MAPK14: variants seen among roughly 807,000 people sequenced by gnomAD.
MAPK14 encodes CSAID-binding protein.
MAPK14 carries 16 observed loss-of-function variants against 49.6 expected under a neutral mutation model. That is an observed-to-expected ratio of 0.32 (90% CI 0.22 to 0.49). The LOEUF (loss-of-function observed/expected upper bound fraction) is 0.49, where lower values mean the gene tolerates loss of function less well. Among genes scored for constraint, MAPK14 ranks in the 20% least tolerant of loss-of-function variants. MAPK14 has a pLI of 0.99. For missense variants in MAPK14, 200 were observed against 441.2 expected (o/e 0.45, Z 4.90); for synonymous variants, 142 against 158.0 (o/e 0.90, Z 0.76).
intron 8 of MAPK14, among the ~76,000 whole-genome samples, chr6:36,082,747 G>C (rs1764816526): frequency 6.6e-6 from 1 of 152,122 alleles, no homozygotes; most frequent in African/African-American, 2.4e-5. Context: ...TCCAACATTG[G>C]GGATCACATT....
Position 36,028,208 on chromosome 6 carries a change from C to T in MAPK14, c.51C>T (p.Ile17=). The T allele has an allele frequency of 1.2e-6, 2 of 1,613,940 alleles. No individual in the cohort carries two copies. Among genetic ancestry groups the T allele is most frequent in the Middle Eastern group, 1.6e-4 (1 of 6,062 alleles). Residue 17 remains isoleucine (I), a synonymous_variant, in exon 1 of 12, where the codon ATC becomes ATT. Coordinates refer to ENST00000229794, the MANE Select transcript of MAPK14 (RefSeq NM_139012.3). This position sits in a 1 kb window ranked among gnomAD's most constrained non-coding sequence, Gnocchi z 5.1. The part of the protein sequence containing the change: ...TFYRQELNKT[I]WEVPERYQNL... ...ACCGGCAGGAGCTGAACAAGACAAT[C>T]TGGGAGGTGCCCGAGCGTTACCAGA... is the stretch of plus-strand genomic sequence containing the variant.
In MAPK14 at chr6:36,037,563, G is replaced by C. The variant is rs1229131707; in HGVS notation, c.116+9290G>C. Among the ~76,000 whole-genome samples, 3 of 152,272 alleles carry C rather than the reference G, an allele frequency of 2.0e-5. No individual in the cohort carries two copies. The East Asian group carries it at 5.8e-4, about 29-fold the overall frequency. On this transcript the variant is annotated intron_variant, in intron 1 of 11. Coordinates refer to ENST00000229794, the MANE Select transcript of MAPK14 (RefSeq NM_139012.3). ...AGATTGTAGAGAGAAAGGGGAAGGA[G>C]CATAGGTTCATGGTAATCTCCTTGA...
rs1283646962 is a variant in MAPK14, at chr6:36,100,972, G to A, written c.763-1599G>A. Among the ~76,000 whole-genome samples the A allele has an allele frequency of 2.6e-5, 4 of 152,158 alleles. No homozygotes were observed. In the East Asian group the frequency reaches 7.7e-4, roughly 29 times the overall value. ...TTTATTAAAGGGATGACTGTTCTCT[G>A]AATGAGATAGTTCTCTCTTACCTGT... is the stretch of plus-strand genomic sequence containing the variant. On this transcript the variant is annotated intron_variant, in intron 9 of 11. Coordinates refer to ENST00000229794, the MANE Select transcript of MAPK14 (RefSeq NM_139012.3).
At chr6:36,101,768 T>C (rs556644336) in intron 9 of MAPK14, among the ~76,000 whole-genome samples, 20 of 152,328 alleles carry the variant, frequency 1.3e-4, no homozygotes, top group African/African-American at 4.3e-4. Flanking sequence ...CACCTTGGCC[T>C]CCCAAAGTGC....
chr6:36,102,582 T>C lies in MAPK14; in HGVS notation c.774T>C (p.Tyr258=). ...KKISSESARN[Y]IQSLTQMPKM... ...CCTTGTTTTTTCAGGCAAGAAACTA[T>C]ATTCAGTCTTTGACTCAGATGCCGA... Residue 258 remains tyrosine (Y), a synonymous_variant, in exon 10 of 12, where the codon TAT becomes TAC. Transcript: ENST00000229794. 6.2e-7 allele frequency: 1 copy of C among 1,613,076 alleles called. No individual in the cohort carries two copies. The highest frequency in any genetic ancestry group is 1.3e-5 in the African/African-American group (1 of 75,024).
chr6:36,035,086 A>C (rs1480287997), intron 1 of MAPK14, among the ~76,000 whole-genome samples: 1 of 151,794 alleles, frequency 6.6e-6, no homozygotes, highest in East Asian at 1.9e-4. Context: ...TTTAGTAGAG[A>C]TGGGGTTTCA....
intron 3 of MAPK14, among the ~76,000 whole-genome samples, chr6:36,059,955 A>C (rs1327193076): frequency 6.6e-6 from 1 of 152,324 alleles, no homozygotes; most frequent in East Asian, 1.9e-4. Flanking sequence ...AGATTTCTAT[A>C]CTGGGATAAG....
rs1486968758 is a variant in MAPK14, at chr6:36,058,898, T to G, written c.247-391T>G. 3.3e-5 allele frequency among the ~76,000 whole-genome samples: 4 copies of G among 121,474 alleles called. No homozygotes were observed. In the East Asian group the frequency reaches 1.0e-3, roughly 31 times the overall value. 79.7% of individuals were successfully genotyped at this position (121,474 alleles called of 152,430 possible). A position where few individuals can be genotyped will look rare whatever the true frequency, so the allele number is the denominator to read the frequency against. ...ATCCTGACTCTTTTTTTTTTTTTTT[T>G]GAGACAGAGTCTCACTCTGCACCTG... On this transcript the variant is annotated intron_variant, in intron 2 of 11. Transcript: ENST00000229794.
chr6:36,075,997 A>T, intron 7 of MAPK14, 35 bp downstream of exon 7: 1 of 1,609,058 alleles, frequency 6.2e-7, no homozygotes, highest in Non-Finnish European at 8.5e-7. Context: ...GGCCTTATTT[A>T]ATTCCATGTT....
At chr6:36,095,041 A>C (rs1765391724) in intron 8 of MAPK14, among the ~76,000 whole-genome samples, 1 of 152,220 alleles carries the variant, frequency 6.6e-6, no homozygotes, top group Non-Finnish European at 1.5e-5. Flanking sequence ...TAAACTGTTC[A>C]CATTTTCAGA....
At chr6:36,102,436 A>G (rs1349690407) in intron 9 of MAPK14, 135 bp from the exon 10 acceptor site, 4 of 606,416 alleles carry the variant, frequency 6.6e-6, no homozygotes, top group African/African-American at 4.3e-5. Flanking sequence ...GAGAAGTTCT[A>G]TCAAAGACAG....
intron 1 of MAPK14, among the ~76,000 whole-genome samples, chr6:36,046,813 G>A (rs1189779187): frequency 1.3e-5 from 2 of 152,162 alleles, no homozygotes; most frequent in Non-Finnish European, 2.9e-5. Flanking sequence ...TGCCTTGGGC[G>A]GGCAACTCAA....
intron 1 of MAPK14, among the ~76,000 whole-genome samples, chr6:36,036,109 A>G (rs1762737232): frequency 6.6e-6 from 1 of 152,056 alleles, no homozygotes; most frequent in Non-Finnish European, 1.5e-5. Flanking sequence ...TGTGGTGTAC[A>G]CCTATAGTCC....
At chr6:36,067,368 A>T (rs985027220) in intron 3 of MAPK14, among the ~76,000 whole-genome samples, 2 of 152,116 alleles carry the variant, frequency 1.3e-5, no homozygotes, top group African/African-American at 4.8e-5. Context: ...ATATTCATAT[A>T]TGCCTTCCTT....
Position 36,108,713 on chromosome 6 carries a change from T to C in MAPK14, c.*266T>C, listed in dbSNP as rs1765876442. ...CAGGGCAGCCTCCACCTTGCTCTTC[T>C]TTCTGAGAGTTGGCTCAGGCAGACA... On this transcript the variant is annotated 3_prime_UTR_variant, in exon 12 of 12. Coordinates refer to ENST00000229794, the MANE Select transcript of MAPK14 (RefSeq NM_139012.3). The C allele has an allele frequency of 4.4e-6, 2 of 452,488 alleles. No homozygotes were observed. The highest frequency in any genetic ancestry group is 8.1e-6 in the Non-Finnish European group (2 of 248,084). The allele number at this position is 452,488 out of a possible 1,614,324, so 28.0% of individuals were successfully genotyped here.
At chr6:36,103,964 G>A (rs1241664924) in intron 10 of MAPK14, among the ~76,000 whole-genome samples, 1 of 152,152 alleles carries the variant, frequency 6.6e-6, no homozygotes, top group African/African-American at 2.4e-5. Context: ...TCTTTTTGAG[G>A]GCTGACAGCC....
chr6:36,040,583 C>T (rs1762927333), intron 1 of MAPK14, among the ~76,000 whole-genome samples: 1 of 152,186 alleles, frequency 6.6e-6, no homozygotes, highest in South Asian at 2.1e-4. Flanking sequence ...GGAGAACTTG[C>T]ACAAGCATGT....
intron 9 of MAPK14, chr6:36,100,152 T>C (rs372714384): frequency 1.4e-6 from 2 of 1,422,336 alleles, no homozygotes; most frequent in Non-Finnish European, 2.0e-6. Flanking sequence ...TTTTTTGCAC[T>C]GTATGTTTAA....
At chr6:36,062,511 T>G (rs1402922958) in intron 3 of MAPK14, among the ~76,000 whole-genome samples, 7 of 152,180 alleles carry the variant, frequency 4.6e-5, no homozygotes, top group South Asian at 2.1e-4. Context: ...CCTACACTTC[T>G]GGCCAAACCA....
Sources: gnomAD v4.1 joint callset for allele counts (sites outside exome capture counted in the v4.1 genomes callset) on GRCh38, gnomAD v4.1.1 for gene constraint, Gnocchi (gnomAD v3.1) non-coding constraint, MANE v1.5 for transcripts, NCBI Gene and HGNC (gene_info 2026-07-23, HGNC 2026-07-21) for gene names.